The following FAF1 variants were observed in gnomAD, a reference collection of about 807,000 sequenced individuals.
FAF1 encodes the protein Fas associated factor 1.
A neutral mutation model predicts 92.5 loss-of-function variants in FAF1; 25 were observed. The ratio of observed to expected loss-of-function variants is 0.27; its 90% confidence interval spans 0.20 to 0.38. FAF1 has a LOEUF of 0.38. Among genes scored for constraint, FAF1 ranks in the 10% least tolerant of loss-of-function variants. The pLI, the probability that FAF1 is intolerant of heterozygous loss-of-function variation, is 1.00. For synonymous variants in FAF1, 234 were observed against 273.2 expected, an observed-to-expected ratio of 0.86 and a Z score of 1.42; for missense variants, 636 against 793.3, an observed-to-expected ratio of 0.80 and a Z score of 2.38.
chr1:50,693,170 C>A (rs1162864925), intron 7 of FAF1, among the ~76,000 whole-genome samples: 2 of 152,082 alleles, frequency 1.3e-5, no homozygotes, highest in Non-Finnish European at 2.9e-5. Context: ...TTCCTGTTTT[C>A]TTCTATGAGG....
intron 8 of FAF1, among the ~76,000 whole-genome samples, chr1:50,644,394 T>C (rs1427444192): frequency 6.6e-6 from 1 of 152,240 alleles, no homozygotes; most frequent in Non-Finnish European, 1.5e-5. Flanking sequence ...TCCAGTTAAC[T>C]ACTCTTTTTC....
At chr1:50,863,976 C>A (rs1404985856) in intron 1 of FAF1, among the ~76,000 whole-genome samples, 1 of 151,922 alleles carries the variant, frequency 6.6e-6, no homozygotes. Flanking sequence ...TCTAGATTTT[C>A]TAGTTTATTT....
chr1:50,889,879 G>A (rs988763198), intron 1 of FAF1, among the ~76,000 whole-genome samples: 1 of 152,162 alleles, frequency 6.6e-6, no homozygotes, highest in Non-Finnish European at 1.5e-5. Flanking sequence ...TGTCTATTAG[G>A]TCCGCTTGAT....
intron 4 of FAF1, among the ~76,000 whole-genome samples, chr1:50,756,942 C>CA (rs1413475628): frequency 2.0e-5 from 3 of 152,202 alleles, no homozygotes; most frequent in Non-Finnish European, 4.4e-5. Flanking sequence ...GGGACACAGC[C>CA]AAACCATATC....
chr1:50,800,618 A>C (rs1661951716), intron 3 of FAF1, among the ~76,000 whole-genome samples: 1 of 152,198 alleles, frequency 6.6e-6, no homozygotes, highest in South Asian at 2.1e-4. Context: ...CATTGCTTTC[A>C]TCTAAAAACC....
chr1:50,760,622 A>T (rs911109487), intron 4 of FAF1, among the ~76,000 whole-genome samples: 3 of 152,222 alleles, frequency 2.0e-5, no homozygotes, highest in Admixed American at 2.0e-4. Context: ...AGAAATAAAG[A>T]TGTTGTTTGA....
chr1:50,637,712 T>C (rs74080037), intron 8 of FAF1, among the ~76,000 whole-genome samples: 30 of 150,658 alleles, frequency 2.0e-4, no homozygotes, highest in South Asian at 6.3e-4. Flanking sequence ...TGTGTGTGTG[T>C]GCGTGTGCAT....
In FAF1 at chr1:50,441,249, A is replaced by C; in HGVS notation, c.*191T>G. On this transcript the variant is annotated 3_prime_UTR_variant, in exon 19 of 19. Transcript: ENST00000396153. ...GTAATTCTCTGTAATAAGGGTTGGG[A>C]ATATATACTCATGGATGGGAAATCT... 3.9e-6 allele frequency: 2 copies of C among 506,850 alleles called. No homozygotes were observed. The highest frequency in any genetic ancestry group is 7.0e-6 in the Non-Finnish European group (2 of 284,134). 31.4% of individuals were successfully genotyped at this position (506,850 alleles called of 1,614,324 possible).
In FAF1 at chr1:50,526,858, C is replaced by CT. The variant is rs576252370; in HGVS notation, c.1494+8510dup. 5.4e-3 allele frequency among the ~76,000 whole-genome samples: 765 copies of CT among 142,608 alleles called. 7 individuals carry two copies. The highest frequency in any genetic ancestry group is 0.014 in the African/African-American group (543 of 39,406). 93.6% of individuals were successfully genotyped at this position (142,608 alleles called of 152,430 possible). ...GCTAACATTTGTTGTTACCTGACGA[C>CT]TTTTTTTTTTTTTTTGAGACAGAGA... On this transcript the variant is annotated intron_variant, in intron 15 of 18. Coordinates refer to ENST00000396153, the MANE Select transcript of FAF1 (RefSeq NM_007051.3).
chr1:50,566,942 G>A (rs574874241), intron 13 of FAF1, 135 bp downstream of exon 13: 18 of 565,000 alleles, frequency 3.2e-5, no homozygotes, highest in African/African-American at 2.3e-4. Flanking sequence ...TAGCTGCAAC[G>A]AGCAGCTTTT....
chr1:50,702,698 C>T (rs557462199), intron 7 of FAF1, among the ~76,000 whole-genome samples: 1 of 152,016 alleles, frequency 6.6e-6, no homozygotes, highest in East Asian at 1.9e-4. Flanking sequence ...ATCTAGAGCA[C>T]CTAAAGGACA....
At chr1:50,489,532 C>T (rs749061198) in intron 17 of FAF1, among the ~76,000 whole-genome samples, 84 of 152,196 alleles carry the variant, frequency 5.5e-4, no homozygotes, top group Non-Finnish European at 9.7e-4. Context: ...TCTATAATAA[C>T]GTTTACATAC....
intron 8 of FAF1, among the ~76,000 whole-genome samples, chr1:50,637,547 T>A (rs2124229606): frequency 6.6e-6 from 1 of 152,066 alleles, no homozygotes; most frequent in South Asian, 2.1e-4. Context: ...ATTTGCCAAT[T>A]TCTATGAAAA....
rs543298078 is a variant in FAF1, at chr1:50,535,545, C to G, written c.1406-88G>C. The G allele has an allele frequency of 8.8e-6, 6 of 684,874 alleles. No homozygotes were observed. The East Asian group carries it at 1.4e-4, about 16-fold the overall frequency. 42.4% of individuals were successfully genotyped at this position (684,874 alleles called of 1,614,324 possible). The stretch of plus-strand genomic sequence containing the variant: ...AAGTATTAGAAACTGGAAAGTCATT[C>G]TAGAATTAACCAGAAAGGAATAATC... On this transcript the variant is annotated intron_variant, in intron 14 of 18. Coordinates refer to ENST00000396153, the MANE Select transcript of FAF1 (RefSeq NM_007051.3).
chr1:50,622,910 T>G (rs576802670), intron 8 of FAF1, among the ~76,000 whole-genome samples: 6 of 152,314 alleles, frequency 3.9e-5, no homozygotes, highest in African/African-American at 1.4e-4. Context: ...AAGTTTCTTT[T>G]AGATTCTACC....
chr1:50,660,122 C>T (rs1655308012), intron 7 of FAF1, among the ~76,000 whole-genome samples: 1 of 152,162 alleles, frequency 6.6e-6, no homozygotes, highest in Non-Finnish European at 1.5e-5. Context: ...ATAACATATT[C>T]ATCTCCCACA....
At chr1:50,836,951 C>CTTTTTTTTTTTTT (rs528322924) in intron 2 of FAF1, among the ~76,000 whole-genome samples, 1 of 76,706 alleles carries the variant, frequency 1.3e-5, no homozygotes, top group Non-Finnish European at 2.4e-5. Context: ...TGTTATGTTT[C>CTTTTTTTTTTTTT]TTTTTTTTTT....
chr1:50,454,306 T>C (rs1363865773), intron 18 of FAF1, among the ~76,000 whole-genome samples: 1 of 152,244 alleles, frequency 6.6e-6, no homozygotes, highest in African/African-American at 2.4e-5. Flanking sequence ...TTTGCTATGT[T>C]GTTTCCTCCA....
At chr1:50,556,238 C>CAAAA (rs34420030) in intron 13 of FAF1, among the ~76,000 whole-genome samples, 5 of 73,800 alleles carry the variant, frequency 6.8e-5, no homozygotes, top group Admixed American at 1.8e-4. Flanking sequence ...ACTCCATCTC[C>CAAAA]AAAAAAAAAA....
Sources: allele counts gnomAD v4.1 joint callset (sites outside exome capture counted in the v4.1 genomes callset), GRCh38; gene constraint gnomAD v4.1.1; transcripts MANE v1.5; gene names NCBI Gene and HGNC (gene_info 2026-07-23, HGNC 2026-07-21).